Variants in DNAH3 observed in about 807,000 individuals in gnomAD.
DNAH3 encodes axonemal beta dynein heavy chain 3.
A neutral mutation model predicts 432.5 loss-of-function variants in DNAH3; 332 were observed. The observed-to-expected ratio is 0.77, with a 90% CI of 0.70 to 0.84. DNAH3 has a LOEUF of 0.84. DNAH3 is among the 40% of genes least tolerant of loss of function. DNAH3 has a pLI of 0.00. For missense variants in DNAH3, 4,861 were observed against 5,114.0 expected, an observed-to-expected ratio of 0.95 and a Z score of 1.51; for synonymous variants, 1,956 against 1,900.2, an observed-to-expected ratio of 1.03 and a Z score of -0.76.
exon 26 of DNAH3, chr16:21,060,325 T>C: frequency 6.2e-7 from 1 of 1,613,952 alleles, no homozygotes; most frequent in African/African-American, 1.3e-5. Context: ...CATCATCTGC[T>C]CCACCTGCTG....
intron 14 of DNAH3, among the ~76,000 whole-genome samples, chr16:21,110,517 CAG>C (rs1261769877): frequency 2.6e-5 from 4 of 152,092 alleles, no homozygotes; most frequent in Non-Finnish European, 4.4e-5. Flanking sequence ...GAAAGCCAAG[CAG>C]AGAGAGAGGA....
chr16:20,943,304 C>T (rs2083898593), intron 58 of DNAH3, among the ~76,000 whole-genome samples: 1 of 152,084 alleles, frequency 6.6e-6, no homozygotes, highest in East Asian at 1.9e-4. Flanking sequence ...TCTCCAACTC[C>T]TTGGCTCAAG....
chr16:21,013,925 A>C (rs186059938), intron 41 of DNAH3, among the ~76,000 whole-genome samples: 1 of 152,322 alleles, frequency 6.6e-6, no homozygotes, highest in African/African-American at 2.4e-5. Context: ...TCCATTAAAG[A>C]AATTTAATCA....
At chr16:21,025,388 ATT>A (rs1369679112) in intron 38 of DNAH3, among the ~76,000 whole-genome samples, 1 of 147,718 alleles carries the variant, frequency 6.8e-6, no homozygotes, top group African/African-American at 2.5e-5. Context: ...CAGTATATAT[ATT>A]ATTATATATT....
exon 53 of DNAH3, chr16:20,965,300 T>C (rs1213497011): frequency 2.5e-6 from 4 of 1,613,198 alleles, no homozygotes; most frequent in South Asian, 1.1e-5. Flanking sequence ...TTGATAAACC[T>C]TTCCCGGATC....
chr16:20,937,698 T>C (rs1830720784), intron 59 of DNAH3, among the ~76,000 whole-genome samples: 1 of 151,878 alleles, frequency 6.6e-6, no homozygotes, highest in South Asian at 2.1e-4. Context: ...CCACCTGATT[T>C]TTTTTTAAGT....
intron 16 of DNAH3, chr16:21,103,789 G>T (rs1390066211): frequency 6.6e-6 from 1 of 152,000 alleles, no homozygotes; most frequent in Non-Finnish European, 1.5e-5. Context: ...GAATCTGCAG[G>T]TCATAATCAA....
chr16:21,037,635 C>A, intron 34 of DNAH3, 126 bp downstream of exon 34: 1 of 712,178 alleles, frequency 1.4e-6, no homozygotes, highest in South Asian at 1.8e-5. Flanking sequence ...GGGAGGGTAT[C>A]AGGTGGCAGA....
intron 22 of DNAH3, among the ~76,000 whole-genome samples, chr16:21,069,943 G>A (rs1257526674): frequency 1.3e-5 from 2 of 152,184 alleles, no homozygotes; most frequent in Non-Finnish European, 1.5e-5. Context: ...TACAAACCGT[G>A]TTTTCCAGAT....
In DNAH3 at chr16:20,980,241, A is replaced by AATATACATCATATAT. The variant is rs1567571879; in HGVS notation, c.7860-696_7860-695insATATATGATGTATAT. Among the ~76,000 whole-genome samples, 6 of 97,824 alleles carry AATATACATCATATAT rather than the reference A, an allele frequency of 6.1e-5. No homozygotes were observed. The East Asian group carries it at 8.1e-4, about 13-fold the overall frequency. The allele number at this position is 97,824 out of a possible 152,430, so 64.2% of individuals were successfully genotyped here. On this transcript the variant is annotated intron_variant, in intron 49 of 61. Coordinates refer to ENST00000261383, the Ensembl canonical transcript of DNAH3. Reference sequence around the variant, plus strand: ...TTTATATTATTTATTTATATTATATATATAATATACATCATATATTATATT... The same window carrying AATATACATCATATAT: ...TTTATATTATTTATTTATATTATATAATATACATCATATATTATAATATACATCATATATTATATT...
chr16:20,989,945 C>A (rs907459710), intron 44 of DNAH3, among the ~76,000 whole-genome samples: 1 of 152,224 alleles, frequency 6.6e-6, no homozygotes, highest in African/African-American at 2.4e-5. Context: ...GTGCGGGGCC[C>A]GCCAAGCCCA....
chr16:21,103,145 T>C (rs766148624), intron 16 of DNAH3, among the ~76,000 whole-genome samples: 1 of 152,084 alleles, frequency 6.6e-6, no homozygotes, highest in Non-Finnish European at 1.5e-5. Context: ...AATGATACAA[T>C]GGACTTTGGG....
chr16:20,999,003 T>A (rs935885427), intron 43 of DNAH3, among the ~76,000 whole-genome samples: 15 of 152,100 alleles, frequency 9.9e-5, no homozygotes, highest in African/African-American at 2.9e-4. Flanking sequence ...ACACCTGTAA[T>A]CCCAACACTT....
chr16:21,152,571 C>T (rs575010661), intron 1 of DNAH3, among the ~76,000 whole-genome samples: 11 of 152,382 alleles, frequency 7.2e-5, no homozygotes, highest in South Asian at 4.1e-4. Context: ...GAAGCCGGCT[C>T]CCTCAGCTTG....
At chr16:20,942,069 T>TA (rs66695399) in intron 58 of DNAH3, among the ~76,000 whole-genome samples, 29,250 of 125,038 alleles carry the variant, frequency 0.23, 3,078 homozygotes, top group Middle Eastern at 0.31. Context: ...GTCTAAAAGT[T>TA]AAAAAAAAAA....
chr16:20,998,763 A>AG (rs1159615421), intron 43 of DNAH3, among the ~76,000 whole-genome samples: 4,643 of 101,288 alleles, frequency 0.046, 183 homozygotes, highest in South Asian at 0.069. Flanking sequence ...AAAAAAAAAA[A>AG]GGGGGGGGCT....
intron 53 of DNAH3, among the ~76,000 whole-genome samples, chr16:20,962,047 G>A (rs374455806): frequency 1.3e-5 from 2 of 151,624 alleles, no homozygotes; most frequent in Admixed American, 6.6e-5. Flanking sequence ...TGTAATCCCA[G>A]CTACTCAGGA....
exon 32 of DNAH3, chr16:21,042,094 G>A (rs2089469131): frequency 5.6e-6 from 9 of 1,613,830 alleles, no homozygotes; most frequent in Admixed American, 1.7e-5. Context: ...CACAGCGCAG[G>A]TTGGGTTCAG....
intron 1 of DNAH3, among the ~76,000 whole-genome samples, chr16:21,156,456 T>C (rs935600147): frequency 6.6e-6 from 1 of 152,086 alleles, no homozygotes; most frequent in Non-Finnish European, 1.5e-5. Context: ...GGTCTCGAAC[T>C]CCTAGACTCA....
Sources: gnomAD v4.1 joint callset for allele counts (sites outside exome capture counted in the v4.1 genomes callset) on GRCh38, gnomAD v4.1.1 for gene constraint, MANE v1.5 for transcripts, NCBI Gene and HGNC (gene_info 2026-07-23, HGNC 2026-07-21) for gene names.